Variants in PIK3CB observed in about 807,000 individuals in gnomAD.
PIK3CB encodes the protein phosphatidylinositol 4,5-bisphosphate 3-kinase catalytic subunit beta isoform.
Under a neutral mutation model 136.8 loss-of-function variants are expected in PIK3CB, and 39 were observed. That is an observed-to-expected ratio of 0.29 (90% CI 0.22 to 0.37). The LOEUF (loss-of-function observed/expected upper bound fraction) is 0.37. Ranked by LOEUF, PIK3CB falls within the 10% of genes least tolerant of loss-of-function variation. PIK3CB has a pLI of 1.00. For synonymous variants in PIK3CB, 428 were observed against 436.6 expected, an observed-to-expected ratio of 0.98 and a Z score of 0.25; for missense variants, 868 against 1,275.4, an observed-to-expected ratio of 0.68 and a Z score of 4.87.
At chr3:138,746,900 G>C (rs1238205099) in intron 4 of PIK3CB, among the ~76,000 whole-genome samples, 8 of 150,416 alleles carry the variant, frequency 5.3e-5, no homozygotes, top group Admixed American at 5.3e-4. Flanking sequence ...TTCACAAAAA[G>C]TGCAAGGTTT....
At chr3:138,760,195 T>C (rs974547293) in intron 2 of PIK3CB, among the ~76,000 whole-genome samples, 5 of 152,158 alleles carry the variant, frequency 3.3e-5, no homozygotes, top group Non-Finnish European at 7.3e-5. Flanking sequence ...AGTGCTGGGA[T>C]TACAGGCGTG....
At chr3:138,813,715 C>A (rs1933178705) in intron 1 of PIK3CB, among the ~76,000 whole-genome samples, 1 of 151,570 alleles carries the variant, frequency 6.6e-6, no homozygotes, top group Non-Finnish European at 1.5e-5. Context: ...CCGCGCCCAG[C>A]CGATTAAGGG....
chr3:138,695,474 C>T (rs1006275115), intron 13 of PIK3CB, among the ~76,000 whole-genome samples: 9 of 151,954 alleles, frequency 5.9e-5, no homozygotes, highest in African/African-American at 1.2e-4. Flanking sequence ...CAATAAAAAC[C>T]GTTTATATTT....
intron 2 of PIK3CB, among the ~76,000 whole-genome samples, chr3:138,765,729 C>T (rs896331855): frequency 6.6e-6 from 1 of 151,664 alleles, no homozygotes; most frequent in Non-Finnish European, 1.5e-5. Flanking sequence ...TGGCACACAC[C>T]TGTAGTCCCA....
At chr3:138,766,433 A>AT (rs959331405) in intron 2 of PIK3CB, among the ~76,000 whole-genome samples, 7 of 152,310 alleles carry the variant, frequency 4.6e-5, no homozygotes, top group East Asian at 1.9e-4. Flanking sequence ...ATGTCTTAAA[A>AT]TTTTTTTAAT....
At chr3:138,663,507 A>C (rs1290172872) in intron 21 of PIK3CB, among the ~76,000 whole-genome samples, 1 of 151,946 alleles carries the variant, frequency 6.6e-6, no homozygotes, top group Non-Finnish European at 1.5e-5. Context: ...TCAGTCTCCC[A>C]AGTAGCTGGG....
intron 1 of PIK3CB, among the ~76,000 whole-genome samples, chr3:138,809,724 T>C (rs1447239274): frequency 1.3e-5 from 2 of 151,956 alleles, no homozygotes; most frequent in Non-Finnish European, 2.9e-5. Context: ...AACATCAGTA[T>C]AAACTAATGT....
intron 17 of PIK3CB, 52 bp downstream of exon 17, chr3:138,684,573 C>T: frequency 7.2e-7 from 1 of 1,384,994 alleles, no homozygotes. Flanking sequence ...AAGGCAGTGA[C>T]TTTCTGCTTG....
chr3:138,747,054 TTATATATATATATATATATATATATATA>T (rs59299476), intron 4 of PIK3CB, among the ~76,000 whole-genome samples: 639 of 42,238 alleles, frequency 0.015, 46 homozygotes, highest in East Asian at 0.054. Context: ...TATTCAGCCT[TTATATATATATATATATATATATATATA>T]TATATATATA....
chr3:138,777,064 A>G (rs1382532173), intron 2 of PIK3CB, among the ~76,000 whole-genome samples: 5 of 152,320 alleles, frequency 3.3e-5, no homozygotes, highest in Non-Finnish European at 1.5e-5. Flanking sequence ...ATTATTTTAC[A>G]TCACTCCTGC....
In PIK3CB at chr3:138,714,643, T is replaced by C; in HGVS notation, c.1127A>G (p.Lys376Arg). The part of the protein sequence containing the change: ...KTIVSSEVSG[K>R]NDHIWNEPLE... Reference sequence around the variant, plus strand: ...TGGTTCATTCCAAATATGATCATTTTTCCCTGATACCTCTGAGCTTACGAT... The same window carrying C: ...TGGTTCATTCCAAATATGATCATTTCTCCCTGATACCTCTGAGCTTACGAT... The change falls in exon 9 of 24, where the codon AAA becomes AGA. Residue 376 changes from lysine (K) to arginine (R), a missense_variant. This residue lies in a region of PIK3CB where 612 missense variants were observed against 801.1 expected (regional missense o/e 0.76). Transcript: ENST00000674063. The C allele has an allele frequency of 1.9e-6, 3 of 1,613,082 alleles. No individual in the cohort carries two copies. Among genetic ancestry groups the C allele is most frequent in the Non-Finnish European group, 2.5e-6 (3 of 1,179,060 alleles).
intron 8 of PIK3CB, 113 bp from the exon 9 acceptor site, chr3:138,714,832 A>T: frequency 1.0e-6 from 1 of 990,052 alleles, no homozygotes; most frequent in Non-Finnish European, 1.5e-6. Context: ...ATTTTGGAGA[A>T]GGAAGGAACA....
intron 1 of PIK3CB, among the ~76,000 whole-genome samples, chr3:138,805,498 C>T (rs2046223853): frequency 1.3e-5 from 2 of 150,882 alleles, no homozygotes; most frequent in African/African-American, 2.4e-5. Context: ...GTGAAACCCC[C>T]GTCTCCAATA....
intron 13 of PIK3CB, among the ~76,000 whole-genome samples, chr3:138,696,882 T>G (rs967065007): frequency 6.6e-6 from 1 of 152,152 alleles, no homozygotes; most frequent in Non-Finnish European, 1.5e-5. Flanking sequence ...TATCTCCAGT[T>G]AATACTTGGA....
At chr3:138,700,606 G>A (rs552810268) in intron 12 of PIK3CB, among the ~76,000 whole-genome samples, 39 of 151,336 alleles carry the variant, frequency 2.6e-4, no homozygotes, top group African/African-American at 9.0e-4. Flanking sequence ...GATGAATGGG[G>A]GAGAAGAGGA....
intron 4 of PIK3CB, among the ~76,000 whole-genome samples, chr3:138,752,876 T>G (rs2045499233): frequency 6.6e-6 from 1 of 152,190 alleles, no homozygotes; most frequent in Non-Finnish European, 1.5e-5. Context: ...AAGCACAGCA[T>G]ATGTAATATT....
chr3:138,659,772 A>G (rs945743363), intron 21 of PIK3CB, among the ~76,000 whole-genome samples: 1 of 149,286 alleles, frequency 6.7e-6, no homozygotes, highest in African/African-American at 2.5e-5. Flanking sequence ...TTCTCAGAAA[A>G]TTTTTGTGCT....
At chr3:138,824,892 C>CAAAAAAAAAA (rs57342129) in intron 1 of PIK3CB, among the ~76,000 whole-genome samples, 1 of 62,360 alleles carries the variant, frequency 1.6e-5, no homozygotes, top group Non-Finnish European at 3.7e-5. Context: ...TACAAAATAC[C>CAAAAAAAAAA]AAAAAAAAAA....
At chr3:138,687,115 T>A (rs1399751178) in intron 16 of PIK3CB, among the ~76,000 whole-genome samples, 3 of 152,110 alleles carry the variant, frequency 2.0e-5, no homozygotes, top group African/African-American at 7.2e-5. Context: ...GAATACCCCA[T>A]GGACATAAGT....
Sources: gnomAD v4.1 joint callset for allele counts (sites outside exome capture counted in the v4.1 genomes callset) on GRCh38, gnomAD v4.1.1 for gene constraint, gnomAD v4.1.1 regional missense constraint, MANE v1.5 for transcripts, NCBI Gene and HGNC (gene_info 2026-07-23, HGNC 2026-07-21) for gene names.